The following CARM1 variants were observed in gnomAD, a reference collection of about 807,000 sequenced individuals.
The protein encoded by CARM1 is histone-arginine methyltransferase CARM1.
In CARM1, 14 loss-of-function variants were observed where a neutral mutation model predicts 72.7. The observed-to-expected ratio is 0.19, with a 90% CI of 0.13 to 0.30. The LOEUF is 0.30. Among genes scored for constraint, CARM1 ranks in the 10% least tolerant of loss-of-function variants. The probability of loss-of-function intolerance (pLI) is 1.00; values close to 1 mark genes in which losing one functional copy is unlikely to be tolerated. For synonymous variants in CARM1, 333 were observed against 345.5 expected (o/e 0.96, Z 0.40); for missense variants, 432 against 833.7 (o/e 0.52, Z 5.93).
At chr19:10,875,023 GAA>G (rs111550589) in intron 1 of CARM1, among the ~76,000 whole-genome samples, 12 of 127,918 alleles carry the variant, frequency 9.4e-5, no homozygotes, top group South Asian at 2.5e-4. Flanking sequence ...GACCCTGTCT[GAA>G]AAAAAAAAAA....
chr19:10,917,728 T>C (rs1489363885), intron 8 of CARM1, among the ~76,000 whole-genome samples: 1 of 149,764 alleles, frequency 6.7e-6, no homozygotes, highest in Non-Finnish European at 1.5e-5. Flanking sequence ...CTTTTTTTTT[T>C]TTTTTTTGAG....
chr19:10,875,523 C>T (rs1015637662), intron 1 of CARM1, among the ~76,000 whole-genome samples: 2 of 152,006 alleles, frequency 1.3e-5, no homozygotes, highest in Non-Finnish European at 2.9e-5. Flanking sequence ...CTCCTGGGTT[C>T]AGGCCATTCT....
rs2074190893 is a variant in CARM1 at position 10,915,756 on chromosome 19, C to T, written c.848-651C>T. ...GTGCTCCTTGGGGCAGGCGGGGCTG[C>T]GGGGCCCTGATCCTCCCTGCCACTG... On this transcript the variant is annotated intron_variant, in intron 6 of 15. Coordinates refer to ENST00000327064, the MANE Select transcript of CARM1 (RefSeq NM_199141.2). This position sits in a 1 kb window ranked among gnomAD's most constrained non-coding sequence, Gnocchi z 4.6. Among the ~76,000 whole-genome samples, 1 of 152,110 alleles carries T rather than the reference C, an allele frequency of 6.6e-6. No homozygotes were observed. The highest frequency in any genetic ancestry group is 2.4e-5 in the African/African-American group (1 of 41,434).
rs954666227 is a variant in CARM1 at position 10,896,010 on chromosome 19, CA to C, written c.221-8940del. On this transcript the variant is annotated intron_variant, in intron 1 of 15. Coordinates refer to ENST00000327064, the MANE Select transcript of CARM1 (RefSeq NM_199141.2). The surrounding 1 kb of genome is among the most constrained non-coding windows in gnomAD (Gnocchi z 5.2). Reference sequence around the variant, plus strand: ...CCAGCGAGGTTTGGCTGGAGTGACCCAGGGGGCAGCAGTGAGACTGCAGACA... The same window carrying C: ...CCAGCGAGGTTTGGCTGGAGTGACCCGGGGGCAGCAGTGAGACTGCAGACA... Among the ~76,000 whole-genome samples, 1 of 152,030 alleles carries C rather than the reference CA, an allele frequency of 6.6e-6. No homozygotes were observed. The highest frequency in any genetic ancestry group is 2.4e-5 in the African/African-American group (1 of 41,382).
At position 10,913,731 on chromosome 19, in the gene CARM1, G is replaced by A. The variant is rs146184002; in HGVS notation, c.670-146G>A. 1,936 of 778,198 alleles carry A rather than the reference G, an allele frequency of 2.5e-3. 29 individuals are homozygous for A. In the Admixed American group the frequency reaches 0.028, roughly 11 times the overall value. The allele number at this position is 778,198 out of a possible 1,614,324, so 48.2% of individuals were successfully genotyped here. On this transcript the variant is annotated intron_variant, in intron 5 of 15. Transcript: ENST00000327064. ...AGCTCTTAACAGGCTATGGCCAATCGCAGCCATGGTTGGGGCGCCAGCGAA... is the reference window on the plus strand; with the variant it reads ...AGCTCTTAACAGGCTATGGCCAATCACAGCCATGGTTGGGGCGCCAGCGAA...
chr19:10,920,884 C>T lies in CARM1; in HGVS notation c.1475C>T (p.Pro492Leu), dbSNP rs1402575974. Residue 492 changes from proline (P) to leucine (L), a missense_variant, in exon 13 of 16, where the codon CCC (proline) becomes CTC (leucine). Physicochemically the swap from Pro to Leu is moderately conservative, Grantham distance 98. Transcript: ENST00000327064. The surrounding 1 kb of genome is among the most constrained non-coding windows in gnomAD (Gnocchi z 5.3). Reference sequence around the variant, plus strand: ...CCACCCGGCTCCCACTACACATCTCCCTCGGAAAACATGTGGAACACGGGC... The same window carrying T: ...CCACCCGGCTCCCACTACACATCTCTCTCGGAAAACATGTGGAACACGGGC... ...SPPPGSHYTS[P>L]SENMWNTGST... The T allele has an allele frequency of 6.2e-7, 1 of 1,614,242 alleles. No individual in the cohort carries two copies. The highest frequency in any genetic ancestry group is 1.7e-5 in the Admixed American group (1 of 60,034).
At position 10,871,582 on chromosome 19, in the gene CARM1, TAGC is replaced by T. The variant is rs2073812733; in HGVS notation, c.-120_-118del. The T allele has an allele frequency of 2.3e-5, 2 of 88,366 alleles. No individual in the cohort carries two copies. Among genetic ancestry groups the T allele is most frequent in the South Asian group, 4.5e-4 (1 of 2,208 alleles). 5.5% of individuals were successfully genotyped at this position (88,366 alleles called of 1,614,324 possible). On this transcript the variant is annotated 5_prime_UTR_variant, in exon 1 of 16. Transcript: ENST00000327064. The surrounding 1 kb of genome is among the most constrained non-coding windows in gnomAD (Gnocchi z 5.6). ...GCCTGCACGGCGGCTGCGGCGGCGG[TAGC>T]GGCAGCGGCGGCGGCGGCGGCGGCG...
At chr19:10,913,783 T>C (rs972927222) in intron 5 of CARM1, 94 bp from the exon 6 acceptor site, 46 of 1,260,734 alleles carry the variant, frequency 3.6e-5, no homozygotes, top group Middle Eastern at 2.2e-4. Context: ...CCAATGCCCA[T>C]GTGTGGATGG....
At chr19:10,911,973 C>T (rs757164899) in intron 4 of CARM1, among the ~76,000 whole-genome samples, 22 of 152,196 alleles carry the variant, frequency 1.4e-4, no homozygotes, top group Admixed American at 2.6e-4. Flanking sequence ...GGGTTGGGGC[C>T]GAGCGGGAGC....
Position 10,916,790 on chromosome 19 carries a change from T to A in CARM1, c.1020+13T>A, listed in dbSNP as rs1470084396. ...GCAGCCTGTGGTGGTGAGTAGGGCCTCCAGGGTACTGCTGCAGTGATCACT... is the reference window on the plus strand; with the variant it reads ...GCAGCCTGTGGTGGTGAGTAGGGCCACCAGGGTACTGCTGCAGTGATCACT... On this transcript the variant is annotated intron_variant, in intron 8 of 15. Transcript: ENST00000327064. The surrounding 1 kb of genome is among the most constrained non-coding windows in gnomAD (Gnocchi z 4.4). 6.5e-7 allele frequency: 1 copy of A among 1,533,278 alleles called. No individual in the cohort carries two copies. Among genetic ancestry groups the A allele is most frequent in the Non-Finnish European group, 8.8e-7 (1 of 1,131,340 alleles). The allele number at this position is 1,533,278 out of a possible 1,614,324, so 95.0% of individuals were successfully genotyped here.
intron 1 of CARM1, among the ~76,000 whole-genome samples, chr19:10,886,556 G>A (rs183571282): frequency 8.0e-5 from 12 of 150,540 alleles, no homozygotes; most frequent in Admixed American, 3.3e-4. Context: ...GGCTGGGTGC[G>A]GTGGCTCACG....
intron 1 of CARM1, among the ~76,000 whole-genome samples, chr19:10,888,594 G>A (rs1173490123): frequency 1.3e-5 from 2 of 152,124 alleles, no homozygotes; most frequent in South Asian, 2.1e-4. Flanking sequence ...CATGTGGAGC[G>A]AGGGGGCTGG....
rs1257159761 is a variant in CARM1, at chr19:10,919,641, C to T, written c.1067C>T (p.Thr356Met). 4.3e-6 allele frequency: 7 copies of T among 1,613,940 alleles called. No individual in the cohort carries two copies. The highest frequency in any genetic ancestry group is 2.7e-5 in the African/African-American group (2 of 74,938). ...CTGATGGCCAAGTCTGTCAAGTACA[C>T]GGTGAACTTCTTAGAAGCCAAAGAA... is the stretch of plus-strand genomic sequence containing the variant. ...RILMAKSVKYTVNFLEAKEGD... is the reference protein window; with the variant it reads ...RILMAKSVKYMVNFLEAKEGD... The change falls in exon 9 of 16, where the codon ACG (threonine) becomes ATG (methionine). Residue 356 changes from threonine (T) to methionine (M), a missense_variant. Physicochemically the swap from Thr to Met is moderately conservative, Grantham distance 81. Coordinates refer to ENST00000327064, the MANE Select transcript of CARM1 (RefSeq NM_199141.2).
intron 1 of CARM1, among the ~76,000 whole-genome samples, chr19:10,881,670 T>C (rs1015006103): frequency 3.3e-5 from 5 of 150,618 alleles, no homozygotes; most frequent in Non-Finnish European, 5.9e-5. Context: ...ACAGTGGAGC[T>C]GCAGAGAGAG....
rs2074276593 is a variant in CARM1 at position 10,922,653 on chromosome 19, T to C, written c.*896T>C. The C allele has an allele frequency of 6.6e-6, 1 of 152,248 alleles. No individual in the cohort carries two copies. The highest frequency in any genetic ancestry group is 1.5e-5 in the Non-Finnish European group (1 of 68,138). 9.4% of individuals were successfully genotyped at this position (152,248 alleles called of 1,614,324 possible). On this transcript the variant is annotated 3_prime_UTR_variant, in exon 16 of 16. Coordinates refer to ENST00000327064, the MANE Select transcript of CARM1 (RefSeq NM_199141.2). ...CCATCCTTGTAGACGCTCCAGTCCC[T>C]ACTACTGTGACGGCATTTCCATCCC... is the stretch of plus-strand genomic sequence containing the variant.
intron 1 of CARM1, among the ~76,000 whole-genome samples, chr19:10,900,569 CTGTT>C (rs2074056402): frequency 6.6e-6 from 1 of 152,090 alleles, no homozygotes; most frequent in African/African-American, 2.4e-5. Context: ...ATTTGTTTAT[CTGTT>C]TGTCAGTTTA....
intron 1 of CARM1, among the ~76,000 whole-genome samples, chr19:10,888,373 C>T (rs2073956485): frequency 1.3e-5 from 2 of 152,152 alleles, no homozygotes; most frequent in Non-Finnish European, 2.9e-5. Context: ...TTCTGGGTCC[C>T]CAGCTGAGCC....
intron 1 of CARM1, among the ~76,000 whole-genome samples, chr19:10,897,126 G>A (rs972794860): frequency 4.6e-5 from 7 of 152,214 alleles, no homozygotes; most frequent in East Asian, 1.9e-4. Flanking sequence ...TCTAGGAAGC[G>A]CAGAGACATT....
intron 1 of CARM1, among the ~76,000 whole-genome samples, chr19:10,886,320 T>C (rs979344790): frequency 3.3e-5 from 5 of 151,642 alleles, no homozygotes; most frequent in African/African-American, 1.2e-4. Context: ...CCTCCCAGCC[T>C]GTAGCTGGGA....
Sources: allele counts gnomAD v4.1 joint callset (sites outside exome capture counted in the v4.1 genomes callset), GRCh38; gene constraint gnomAD v4.1.1; non-coding constraint Gnocchi (gnomAD v3.1); transcripts MANE v1.5; gene names NCBI Gene and HGNC (gene_info 2026-07-23, HGNC 2026-07-21).